ROR2: variants seen among roughly 807,000 people sequenced by gnomAD.
ROR2 encodes ROR family WNT receptor 2, also known as tyrosine-protein kinase transmembrane receptor ROR2.
ROR2 carries 33 observed loss-of-function variants against 74.9 expected under a neutral mutation model. The ratio of observed to expected loss-of-function variants is 0.44; its 90% confidence interval spans 0.33 to 0.59. ROR2 has a LOEUF of 0.59. ROR2 is among the 20% of genes least tolerant of loss of function. ROR2 has a pLI of 0.02. For missense variants in ROR2, 1,216 were observed against 1,313.8 expected, an observed-to-expected ratio of 0.93 and a Z score of 1.15; for synonymous variants, 586 against 558.7, an observed-to-expected ratio of 1.05 and a Z score of -0.69.
At chr9:91,792,464 A>C (rs558377621) in intron 1 of ROR2, among the ~76,000 whole-genome samples, 1 of 152,074 alleles carries the variant, frequency 6.6e-6, no homozygotes, top group Non-Finnish European at 1.5e-5. Context: ...GCCCGCCACC[A>C]CGCCCAGCTA....
rs146567312 is a variant in ROR2, at chr9:91,765,605, C to T, written c.176-8046G>A. 2.2e-3 allele frequency among the ~76,000 whole-genome samples: 336 copies of T among 152,318 alleles called. 1 individual carries two copies. Among genetic ancestry groups the T allele is most frequent in the African/African-American group, 7.9e-3 (327 of 41,576 alleles). ...CCCAACTGATTTCTCATGGGAGAGCCTTCTGTGTTTCCCATCTGGAGCCAG... is the reference window on the plus strand; with the variant it reads ...CCCAACTGATTTCTCATGGGAGAGCTTTCTGTGTTTCCCATCTGGAGCCAG... On this transcript the variant is annotated intron_variant, in intron 2 of 8. Coordinates refer to ENST00000375708, the MANE Select transcript of ROR2 (RefSeq NM_004560.4).
At chr9:91,735,553 G>GT (rs1341337028) in intron 5 of ROR2, among the ~76,000 whole-genome samples, 1 of 148,862 alleles carries the variant, frequency 6.7e-6, no homozygotes, top group Non-Finnish European at 1.5e-5. Context: ...TTAAAAGATG[G>GT]TAAGAACAGA....
In ROR2 at chr9:91,731,238, A is replaced by G. The variant is rs986218564; in HGVS notation, c.938-83T>C. 5 of 1,590,204 alleles carry G rather than the reference A, an allele frequency of 3.1e-6. No individual in the cohort carries two copies. In the African/African-American group the frequency reaches 5.4e-5, roughly 17 times the overall value. On this transcript the variant is annotated intron_variant, in intron 6 of 8. Coordinates refer to ENST00000375708, the MANE Select transcript of ROR2 (RefSeq NM_004560.4). The stretch of plus-strand genomic sequence containing the variant: ...ACACATGCCCAAACTAGAATTTCCA[A>G]AAGATCCAAGGATTTTACATAACTT...
chr9:91,772,424 G>T (rs1349590840), intron 2 of ROR2, among the ~76,000 whole-genome samples: 1 of 152,188 alleles, frequency 6.6e-6, no homozygotes. Flanking sequence ...TGTGCTGAGA[G>T]CAGTGCCATG....
chr9:91,862,015 T>C (rs1387004638), intron 1 of ROR2, among the ~76,000 whole-genome samples: 2 of 151,992 alleles, frequency 1.3e-5, no homozygotes, highest in Admixed American at 1.3e-4. Context: ...CATGATGAGA[T>C]TGGTGCCCTT....
At chr9:91,737,951 T>C (rs918362681) in intron 4 of ROR2, among the ~76,000 whole-genome samples, 20 of 152,180 alleles carry the variant, frequency 1.3e-4, no homozygotes, top group East Asian at 5.8e-4. Flanking sequence ...ACAGCAAAAC[T>C]ATAGAGACTG....
At chr9:91,798,396 G>GGGGCTGACACTCTGGGCTAGTGGGCA (rs1827253938) in intron 1 of ROR2, among the ~76,000 whole-genome samples, 1 of 114,354 alleles carries the variant, frequency 8.7e-6, no homozygotes, top group Non-Finnish European at 1.7e-5. Context: ...GCTAGTGGGC[G>GGGGCTGACACTCTGGGCTAGTGGGCA]GGGCTGACAC....
chr9:91,810,229 A>G (rs1243634294), intron 1 of ROR2, among the ~76,000 whole-genome samples: 1 of 152,190 alleles, frequency 6.6e-6, no homozygotes, highest in Non-Finnish European at 1.5e-5. Flanking sequence ...AGGGCTTGGC[A>G]TCGGTACTGG....
At chr9:91,809,872 G>A (rs577546336) in intron 1 of ROR2, among the ~76,000 whole-genome samples, 5 of 152,328 alleles carry the variant, frequency 3.3e-5, no homozygotes, top group African/African-American at 9.6e-5. Context: ...ACTGCCCTCC[G>A]CACATCTTGA....
rs1564230248 is a variant in ROR2 at position 91,725,094 on chromosome 9, T to C, written c.1400A>G (p.Glu467Gly). Residue 467 changes from glutamate (E) to glycine (G), a missense_variant, in exon 9 of 9, where the codon GAG becomes GGG. Coordinates refer to ENST00000375708, the MANE Select transcript of ROR2 (RefSeq NM_004560.4). ...GAACCTCACCGCAGACAGGCTGATC[T>C]CTTTGAGTTTGGCCTGTCAAGAAGA... Reference protein sequence around the residue: ...INQHKQAKLKEISLSAVRFME... With the variant: ...INQHKQAKLKGISLSAVRFME... The C allele has an allele frequency of 6.2e-7, 1 of 1,613,874 alleles. No homozygotes were observed. The highest frequency in any genetic ancestry group is 8.5e-7 in the Non-Finnish European group (1 of 1,180,024).
intron 2 of ROR2, among the ~76,000 whole-genome samples, chr9:91,773,557 G>A (rs189743896): frequency 6.6e-6 from 1 of 152,326 alleles, no homozygotes; most frequent in East Asian, 1.9e-4. Context: ...GGAGCCTCTT[G>A]CCAAACTGAA....
chr9:91,835,224 T>G (rs1247148500), intron 1 of ROR2, among the ~76,000 whole-genome samples: 1 of 152,122 alleles, frequency 6.6e-6, no homozygotes, highest in Non-Finnish European at 1.5e-5. Context: ...TTCACAGCAG[T>G]GCCATTTGCT....
intron 1 of ROR2, among the ~76,000 whole-genome samples, chr9:91,909,258 C>G (rs975014779): frequency 6.6e-6 from 1 of 152,170 alleles, no homozygotes; most frequent in Non-Finnish European, 1.5e-5. Context: ...TGCACACCCC[C>G]TCTGCATCCT....
At chr9:91,946,803 A>AAGG (rs1564056573) in intron 1 of ROR2, among the ~76,000 whole-genome samples, 1 of 152,180 alleles carries the variant, frequency 6.6e-6, no homozygotes, top group Admixed American at 6.5e-5. Context: ...ATGCATTTTA[A>AAGG]AGGAGTGCCA....
intron 1 of ROR2, among the ~76,000 whole-genome samples, chr9:91,795,676 T>A (rs1476554934): frequency 3.9e-5 from 6 of 152,204 alleles, no homozygotes; most frequent in Admixed American, 3.9e-4. Flanking sequence ...GAGGCCTTTT[T>A]ATTTTCACAG....
rs191006173 is a variant in ROR2, at chr9:91,749,555, G to A, written c.494+6516C>T. On this transcript the variant is annotated intron_variant, in intron 4 of 8. Coordinates refer to ENST00000375708, the MANE Select transcript of ROR2 (RefSeq NM_004560.4). Reference sequence around the variant, plus strand: ...GGGAAACACATTTCAGTCCATAGCAGTAGAGGAGGGTATGTTTCCCTATAT... The same window carrying A: ...GGGAAACACATTTCAGTCCATAGCAATAGAGGAGGGTATGTTTCCCTATAT... 3.3e-5 allele frequency among the ~76,000 whole-genome samples: 5 copies of A among 152,330 alleles called. No homozygotes were observed. In the East Asian group the frequency reaches 9.6e-4, roughly 29 times the overall value.
intron 1 of ROR2, among the ~76,000 whole-genome samples, chr9:91,852,624 A>ACACACACACACACACACACACACAC (rs1829133234): frequency 8.1e-6 from 1 of 123,830 alleles, no homozygotes; most frequent in East Asian, 2.3e-4. Context: ...AAAACACACA[A>ACACACACACACACACACACACACAC]ACACACACAC....
rs143640832 is a variant in ROR2, at chr9:91,943,629, T to C, written c.97+6238A>G. ...TGAAAATCAAACCTACTAAGAAGGG[T>C]GCCAGTTTTGCTTTCAGGTTGTTGT... On this transcript the variant is annotated intron_variant, in intron 1 of 8. Coordinates refer to ENST00000375708, the MANE Select transcript of ROR2 (RefSeq NM_004560.4). Among the ~76,000 whole-genome samples the C allele has an allele frequency of 1.0e-3, 155 of 152,214 alleles. 1 individual carries two copies. The highest frequency in any genetic ancestry group is 3.5e-3 in the African/African-American group (145 of 41,530).
chr9:91,909,413 T>C (rs1301670422), intron 1 of ROR2, among the ~76,000 whole-genome samples: 1 of 152,102 alleles, frequency 6.6e-6, no homozygotes, highest in African/African-American at 2.4e-5. Context: ...AAGGCTGGAG[T>C]GTAGTGGCCT....
Sources: allele counts gnomAD v4.1 joint callset (sites outside exome capture counted in the v4.1 genomes callset), GRCh38; gene constraint gnomAD v4.1.1; transcripts MANE v1.5; gene names NCBI Gene and HGNC (gene_info 2026-07-23, HGNC 2026-07-21).